Variants in THPO observed in about 807,000 individuals in gnomAD.
THPO encodes the protein MPL ligand.
Under a neutral mutation model 17.0 loss-of-function variants are expected in THPO, and 12 were observed. The ratio of observed to expected loss-of-function variants is 0.71; its 90% CI spans 0.45 to 1.14. THPO has a LOEUF of 1.14. Ranked by LOEUF, THPO falls within the 50% of genes most tolerant of loss-of-function variation. The pLI is 0.00. For missense variants in THPO, 365 were observed against 427.5 expected, an observed-to-expected ratio of 0.85 and a Z score of 1.29; for synonymous variants, 188 against 183.0, an observed-to-expected ratio of 1.03 and a Z score of -0.22.
At chr3:184,377,489 C>T (rs992017993) in intron 1 of THPO, among the ~76,000 whole-genome samples, 2 of 152,192 alleles carry the variant, frequency 1.3e-5, no homozygotes, top group Non-Finnish European at 2.9e-5. Context: ...ATAGCTCACA[C>T]CTGCCTCCCT....
Position 184,373,504 on chromosome 3 carries a change from C to G in THPO, c.307G>C (p.Gly103Arg). The G allele has an allele frequency of 6.2e-7, 1 of 1,614,094 alleles. No individual in the cohort carries two copies. The highest frequency in any genetic ancestry group is 8.5e-7 in the Non-Finnish European group (1 of 1,180,018). ...AGGAGGGATGAGAGGCAAGTGGGTC[C>G]CAGTTGTCCCCGTGCTGCCATCACT... Reference protein sequence around the residue: ...EGVMAARGQLGPTCLSSLLGQ... With the variant: ...EGVMAARGQLRPTCLSSLLGQ... The change falls in exon 5 of 6, where the codon GGA becomes CGA. Residue 103 changes from glycine (G) to arginine (R), a missense_variant. By Grantham distance (125) the Gly-to-Arg change is moderately radical. Transcript: ENST00000647395.
Position 184,373,507 on chromosome 3 carries a change from G to T in THPO, c.304C>A (p.Leu102Met). The T allele has an allele frequency of 3.7e-6, 6 of 1,614,158 alleles. No individual in the cohort carries two copies. Among genetic ancestry groups the T allele is most frequent in the Non-Finnish European group, 5.1e-6 (6 of 1,180,032 alleles). Residue 102 changes from leucine (L) to methionine (M), a missense_variant, in exon 5 of 6, where the codon CTG (leucine) becomes ATG (methionine). Physicochemically the swap from Leu to Met is conservative, Grantham distance 15. Coordinates refer to ENST00000647395, the MANE Select transcript of THPO (RefSeq NM_000460.4). ...LEGVMAARGQLGPTCLSSLLG... is the reference protein window; with the variant it reads ...LEGVMAARGQMGPTCLSSLLG... ...AGGGATGAGAGGCAAGTGGGTCCCAGTTGTCCCCGTGCTGCCATCACTCCC... is the reference window on the plus strand; with the variant it reads ...AGGGATGAGAGGCAAGTGGGTCCCATTTGTCCCCGTGCTGCCATCACTCCC...
chr3:184,375,424 A>C, intron 4 of THPO, 91 bp downstream of exon 4: 1 of 1,378,366 alleles, frequency 7.3e-7, no homozygotes, highest in Non-Finnish European at 1.0e-6. Flanking sequence ...GATATTTTTA[A>C]AAAGCTCAAG....
At chr3:184,379,387 G>C (rs1714789801), upstream of THPO, among the ~76,000 whole-genome samples, 1 of 152,108 alleles carries the variant, frequency 6.6e-6, no homozygotes, top group African/African-American at 2.4e-5. Context: ...ATGCGCCTGA[G>C]GATAAGTTAC....
At position 184,375,968 on chromosome 3, in the gene THPO, A is replaced by G. The variant is rs1277050606; in HGVS notation, c.61T>C (p.Ser21Pro). The G allele has an allele frequency of 6.2e-7, 1 of 1,614,000 alleles. No homozygotes were observed. Among genetic ancestry groups the G allele is most frequent in the Admixed American group, 1.7e-5 (1 of 60,010 alleles). ...MLLLTARLTL[S>P]SPAPPACDLR... The stretch of plus-strand genomic sequence containing the variant: ...TCACAAGCAGGAGGAGCCGGGCTGG[A>G]CAGCGTTAGCCTTGCAGTTAGGAGA... The change falls in exon 3 of 6, where the codon TCC (serine) becomes CCC (proline). Residue 21 changes from serine (S) to proline (P), a missense_variant. Physicochemically the swap from Ser to Pro is moderately conservative, Grantham distance 74 (BLOSUM62 -1). Transcript: ENST00000647395.
At position 184,376,300 on chromosome 3, in the gene THPO, G is replaced by A. The variant is rs1411658267; in HGVS notation, c.-41C>T. ...TGGCTGGCGTGGCTCCCTGTTTGGG[G>A]CCTCTCCCCTGAATCCTTCCTGGGG... On this transcript the variant is annotated 5_prime_UTR_variant, in exon 2 of 6. Coordinates refer to ENST00000647395, the MANE Select transcript of THPO (RefSeq NM_000460.4). 6.2e-7 allele frequency: 1 copy of A among 1,614,190 alleles called. No homozygotes were observed. Among genetic ancestry groups the A allele is most frequent in the Non-Finnish European group, 8.5e-7 (1 of 1,180,032 alleles).
In THPO at chr3:184,373,455, C is replaced by T. The variant is rs143216798; in HGVS notation, c.356G>A (p.Arg119His). The T allele has an allele frequency of 1.1e-4, 174 of 1,613,952 alleles. No individual in the cohort carries two copies. The highest frequency in any genetic ancestry group is 9.9e-4 in the African/African-American group (74 of 74,876). ...SLLGQLSGQVRLLLGALQSLL... is the reference protein window; with the variant it reads ...SLLGQLSGQVHLLLGALQSLL... ...GCTCTGCAGGGCCCCAAGGAGGAGA[C>T]GGACCTGTCCAGAAAGCTGCCCCAG... Residue 119 changes from arginine to histidine, a missense_variant, in exon 5 of 6, where the codon CGT becomes CAT. Physicochemically the swap from Arg to His is conservative, Grantham distance 29. Transcript: ENST00000647395.
intron 4 of THPO, among the ~76,000 whole-genome samples, chr3:184,374,096 T>C (rs2108620401): frequency 6.6e-6 from 1 of 152,122 alleles, no homozygotes; most frequent in Admixed American, 6.5e-5. Flanking sequence ...GGCATGGTGG[T>C]GGGCACCTGT....
At position 184,373,103 on chromosome 3, in the gene THPO, C is replaced by A. The variant is rs764696308; in HGVS notation, c.472G>T (p.Gly158Ter). The A allele has an allele frequency of 6.2e-7, 1 of 1,613,926 alleles. No individual in the cohort carries two copies. The highest frequency in any genetic ancestry group is 8.5e-7 in the Non-Finnish European group (1 of 1,180,034). Residue 158 changes from glycine (G) to a stop codon, truncating the protein, a stop_gained, in exon 6 of 6, where the codon GGA (glycine) becomes TGA (stop). Transcript: ENST00000647395. LOFTEE classifies it low-confidence loss of function (END_TRUNC). ...IFLSFQHLLR[G>*]KVRFLMLVGG... The stretch of plus-strand genomic sequence containing the variant: ...ACAAGCATCAGGAAACGCACCTTTC[C>A]TCGGAGCAGGTGTTGGAAGCTCAGG...
chr3:184,376,845 CAA>C (rs577828569), intron 1 of THPO, among the ~76,000 whole-genome samples: 1 of 131,560 alleles, frequency 7.6e-6, no homozygotes. Flanking sequence ...AACTCCGTCT[CAA>C]AAAAAAAAAA....
intron 5 of THPO, 113 bp downstream of exon 5, chr3:184,373,302 G>C (rs1460811764): frequency 6.4e-7 from 1 of 1,550,852 alleles, no homozygotes; most frequent in African/African-American, 1.4e-5. Flanking sequence ...ACTCTTAGTA[G>C]ATCAGCTCTT....
intron 4 of THPO, among the ~76,000 whole-genome samples, chr3:184,374,855 C>A (rs1714250868): frequency 6.6e-6 from 1 of 152,172 alleles, no homozygotes; most frequent in South Asian, 2.1e-4. Flanking sequence ...TTGGCATGAT[C>A]TCAGCTCACT....
Position 184,372,429 on chromosome 3 carries a change from C to A in THPO, c.*84G>T, listed in dbSNP as rs928700139. 7 of 1,539,220 alleles carry A rather than the reference C, an allele frequency of 4.5e-6. No individual in the cohort carries two copies. In the Admixed American group the frequency reaches 1.2e-4, roughly 26 times the overall value. On this transcript the variant is annotated 3_prime_UTR_variant, in exon 6 of 6. Transcript: ENST00000647395. ...TGGGTTTCAGGAGAAAGTAGGAAATCTTGTCCAGTTGTCTCCCAGGGGCGC... is the reference window on the plus strand; with the variant it reads ...TGGGTTTCAGGAGAAAGTAGGAAATATTGTCCAGTTGTCTCCCAGGGGCGC...
chr3:184,376,151 G>A (rs1319412246), intron 2 of THPO, 96 bp downstream of exon 2: 6 of 1,611,346 alleles, frequency 3.7e-6, no homozygotes, highest in Non-Finnish European at 5.1e-6. Flanking sequence ...GGGAGAATGG[G>A]TTCCCCCAGC....
rs375403097 is a variant in THPO at position 184,373,059 on chromosome 3, G to A, written c.516C>T (p.Cys172=). Reference sequence around the variant, plus strand: ...CTGTGGTGGGTGGGGCCCGCCTGACGCAGAGGGTGGACCCTCCTACAAGCA... The same window carrying A: ...CTGTGGTGGGTGGGGCCCGCCTGACACAGAGGGTGGACCCTCCTACAAGCA... ...FLMLVGGSTL[C]VRRAPPTTAV... The change falls in exon 6 of 6, where the codon TGC becomes TGT. Residue 172 remains cysteine (C), a synonymous_variant. Transcript: ENST00000647395. 70 of 1,613,910 alleles carry A rather than the reference G, an allele frequency of 4.3e-5. No homozygotes were observed. Among genetic ancestry groups the A allele is most frequent in the African/African-American group, 5.3e-5 (4 of 74,908 alleles).
intron 5 of THPO, 60 bp downstream of exon 5, chr3:184,373,355 T>C (rs545606721): frequency 6.2e-7 from 1 of 1,604,532 alleles, no homozygotes; most frequent in African/African-American, 1.3e-5. Flanking sequence ...CCCTCAGGTC[T>C]TCTAGGGGGA....
chr3:184,375,644 A>G (rs1231404816), intron 3 of THPO, 43 bp from the exon 4 acceptor site: 3 of 1,601,102 alleles, frequency 1.9e-6, no homozygotes, highest in Non-Finnish European at 8.6e-7. Flanking sequence ...GCTGAAATAG[A>G]GAGAGCTATG....
intron 4 of THPO, among the ~76,000 whole-genome samples, chr3:184,374,559 G>C (rs1714228168): frequency 6.6e-6 from 1 of 152,202 alleles, no homozygotes; most frequent in African/African-American, 2.4e-5. Context: ...ACTCGGAATA[G>C]AGTTCTGTAC....
chr3:184,375,852 T>TA (rs1457397065), intron 3 of THPO, 36 bp downstream of exon 3: 2 of 1,612,026 alleles, frequency 1.2e-6, no homozygotes, highest in Middle Eastern at 2.0e-4. Flanking sequence ...TCTTACCAGT[T>TA]ACGCGGATAA....
Sources: gnomAD v4.1 joint callset for allele counts (sites outside exome capture counted in the v4.1 genomes callset) on GRCh38, gnomAD v4.1.1 for gene constraint, MANE v1.5 for transcripts, NCBI Gene and HGNC (gene_info 2026-07-23, HGNC 2026-07-21) for gene names.